BBOF1: variants seen among roughly 807,000 people sequenced by gnomAD.
BBOF1 encodes basal body orientation factor 1, also known as basal body-orientation factor 1.
BBOF1 carries 62 observed loss-of-function variants against 68.0 expected under a neutral mutation model. That is an observed-to-expected ratio of 0.91 (90% CI 0.74 to 1.13). BBOF1 has a LOEUF of 1.13. Among genes scored for constraint, BBOF1 ranks in the 50% most tolerant of loss-of-function variants. The probability of loss-of-function intolerance (pLI) is 0.00; values close to 1 mark genes in which losing one functional copy is unlikely to be tolerated. For synonymous variants in BBOF1, 208 were observed against 198.8 expected (o/e 1.05, Z -0.39); for missense variants, 534 against 600.1 (o/e 0.89, Z 1.15).
chr14:74,042,845 TTCTC>T (rs1052857687), intron 5 of BBOF1, among the ~76,000 whole-genome samples: 1 of 141,676 alleles, frequency 7.1e-6, no homozygotes, highest in African/African-American at 2.6e-5. Flanking sequence ...CTCGCTCTGT[TTCTC>T]TCTCTCTCTC....
chr14:74,027,082 C>CTTT lies in BBOF1; in HGVS notation c.286-2082_286-2080dup, dbSNP rs1189972161. Among the ~76,000 whole-genome samples the CTTT allele has an allele frequency of 4.6e-3, 403 of 88,140 alleles. 8 individuals carry two copies. Among genetic ancestry groups the CTTT allele is most frequent in the Middle Eastern group, 0.011 (1 of 88 alleles). The allele number at this position is 88,140 out of a possible 152,430, so 57.8% of individuals were successfully genotyped here. On this transcript the variant is annotated intron_variant, in intron 2 of 11. Transcript: ENST00000394009. Reference sequence around the variant, plus strand: ...TGAATAAATAAGGGAGAAAGGAAGCCTTTTTTTTTTTTTTTTTTTTTTGAG... The same window carrying CTTT: ...TGAATAAATAAGGGAGAAAGGAAGCCTTTTTTTTTTTTTTTTTTTTTTTTTGAG...
chr14:74,070,491 T>C (rs10141564), downstream of BBOF1, among the ~76,000 whole-genome samples: 36,656 of 152,014 alleles, frequency 0.24, 5,002 homozygotes, highest in South Asian at 0.46. Context: ...TGCTCTCCAG[T>C]CTGGGCGACA....
At chr14:74,051,656 T>C (rs1440584151) in intron 8 of BBOF1, among the ~76,000 whole-genome samples, 1 of 151,794 alleles carries the variant, frequency 6.6e-6, no homozygotes, top group Non-Finnish European at 1.5e-5. Flanking sequence ...GCATTTTTGT[T>C]TCTTAGAGCA....
intron 5 of BBOF1, among the ~76,000 whole-genome samples, chr14:74,041,778 T>C (rs1468954623): frequency 5.9e-5 from 9 of 152,190 alleles, no homozygotes. Flanking sequence ...GGTTCACTCC[T>C]GTAATCCCAG....
intron 5 of BBOF1, among the ~76,000 whole-genome samples, chr14:74,043,076 T>C (rs955390414): frequency 6.6e-6 from 1 of 152,138 alleles, no homozygotes; most frequent in Non-Finnish European, 1.5e-5. Context: ...GCCCCGGTGC[T>C]GCAGCTTCAT....
At chr14:74,067,613 T>C (rs2060488654), downstream of BBOF1, 2 of 1,599,274 alleles carry the variant, frequency 1.3e-6, no homozygotes, top group Middle Eastern at 3.3e-4. Flanking sequence ...CTTGGCCAAA[T>C]ACAACTAAGC....
intron 8 of BBOF1, among the ~76,000 whole-genome samples, chr14:74,051,017 G>A (rs904185957): frequency 1.8e-4 from 27 of 151,922 alleles, no homozygotes; most frequent in Non-Finnish European, 3.5e-4. Flanking sequence ...GCCGAGGAGG[G>A]TGGATCGCCT....
In BBOF1 at chr14:74,035,903, G is replaced by A. The variant is rs188411849; in HGVS notation, c.495+1732G>A. Among the ~76,000 whole-genome samples, 390 of 152,136 alleles carry A rather than the reference G, an allele frequency of 2.6e-3. 3 individuals carry two copies. Among genetic ancestry groups the A allele is most frequent in the African/African-American group, 9.0e-3 (373 of 41,506 alleles). On this transcript the variant is annotated intron_variant, in intron 4 of 11. Coordinates refer to ENST00000394009, the MANE Select transcript of BBOF1 (RefSeq NM_025057.3). Reference sequence around the variant, plus strand: ...TATTTTATTATTAATAGTTAAAAGTGAATCCTTAAGTCTGGCCCACATTCC... The same window carrying A: ...TATTTTATTATTAATAGTTAAAAGTAAATCCTTAAGTCTGGCCCACATTCC...
chr14:74,031,119 CTTT>C (rs71860688), intron 3 of BBOF1, among the ~76,000 whole-genome samples: 1 of 143,478 alleles, frequency 7.0e-6, no homozygotes, highest in Non-Finnish European at 1.5e-5. Context: ...CTTTTCTTTT[CTTT>C]TTTTTTTTTG....
intron 11 of BBOF1, chr14:74,057,681 T>TTAATTTA: frequency 7.7e-7 from 1 of 1,293,224 alleles, no homozygotes. Flanking sequence ...TTAAGAGTTT[T>TTAATTTA]TAATTTATAA....
At chr14:74,034,857 A>G (rs998602708) in intron 4 of BBOF1, among the ~76,000 whole-genome samples, 1 of 152,164 alleles carries the variant, frequency 6.6e-6, no homozygotes, top group African/African-American at 2.4e-5. Flanking sequence ...TTGGAGGCCA[A>G]GGCAGGATAA....
intron 9 of BBOF1, among the ~76,000 whole-genome samples, chr14:74,072,885 T>C (rs1328371586): frequency 6.6e-6 from 1 of 151,184 alleles, no homozygotes; most frequent in Admixed American, 6.6e-5. Flanking sequence ...CTGCAACCTC[T>C]GATTCCCGGG....
chr14:74,072,573 T>G (rs1224192088), intron 9 of BBOF1: 1 of 1,614,098 alleles, frequency 6.2e-7, no homozygotes, highest in Non-Finnish European at 8.5e-7. Context: ...CACTTTTGGA[T>G]TCAACGAATT....
chr14:74,069,061 T>A, downstream of BBOF1: 1 of 1,378,306 alleles, frequency 7.3e-7, no homozygotes, highest in Non-Finnish European at 1.0e-6. Context: ...TCCCCACTGC[T>A]ATGGATTTGA....
At chr14:74,080,521 C>T (rs765488397) in intron 10 of BBOF1, among the ~76,000 whole-genome samples, 14 of 152,028 alleles carry the variant, frequency 9.2e-5, no homozygotes, top group Non-Finnish European at 2.9e-5. Context: ...GTGCACACGA[C>T]CTCGCTCTCA....
Position 74,040,711 on chromosome 14 carries a change from T to C in BBOF1, c.576+66T>C, listed in dbSNP as rs913568742. 91 of 889,786 alleles carry C rather than the reference T, an allele frequency of 1.0e-4. 2 individuals are homozygous for C. In the South Asian group the frequency reaches 1.6e-3, roughly 15 times the overall value. 55.1% of individuals were successfully genotyped at this position (889,786 alleles called of 1,614,324 possible). A position where few individuals can be genotyped will look rare whatever the true frequency, so the allele number is the denominator to read the frequency against. On this transcript the variant is annotated intron_variant, in intron 5 of 11. Transcript: ENST00000394009. ...AGAACATAAGTGTATTTATATGCAT[T>C]CTGAAACATCAGCCTTCCATTTGGT...
At chr14:74,070,387 C>T (rs186924043), downstream of BBOF1, among the ~76,000 whole-genome samples, 30 of 152,026 alleles carry the variant, frequency 2.0e-4, no homozygotes, top group East Asian at 3.9e-4. Flanking sequence ...GGCACGGTGG[C>T]GCATGCCTGT....
Position 74,064,960 on chromosome 14 carries a change from G to A in BBOF1, c.*261G>A, listed in dbSNP as rs1254927286. ...ATCCGTGTCATATCCTAAGGACAAA[G>A]GAACTCTCCATTTAGAAACACAAAG... On this transcript the variant is annotated 3_prime_UTR_variant, in exon 12 of 12. Coordinates refer to ENST00000394009, the MANE Select transcript of BBOF1 (RefSeq NM_025057.3). The A allele has an allele frequency of 1.3e-6, 2 of 1,575,254 alleles. No individual in the cohort carries two copies. Among genetic ancestry groups the A allele is most frequent in the South Asian group, 1.1e-5 (1 of 89,458 alleles).
intron 10 of BBOF1, among the ~76,000 whole-genome samples, chr14:74,079,795 C>T (rs1372898777): frequency 6.6e-6 from 1 of 152,172 alleles, no homozygotes; most frequent in Non-Finnish European, 1.5e-5. Context: ...TCTTGAACTC[C>T]TGGCCTCAAA....
Sources: gnomAD v4.1 joint callset for allele counts (sites outside exome capture counted in the v4.1 genomes callset) on GRCh38, gnomAD v4.1.1 for gene constraint, MANE v1.5 for transcripts, NCBI Gene and HGNC (gene_info 2026-07-23, HGNC 2026-07-21) for gene names.